The following MTPN variants were observed in gnomAD, a reference collection of about 807,000 sequenced individuals.
MTPN encodes granule cell differentiation protein.
Under a neutral mutation model 13.5 loss-of-function variants are expected in MTPN, and 2 were observed. The ratio of observed to expected loss-of-function variants is 0.15; its 90% CI spans 0.06 to 0.47. MTPN has a LOEUF of 0.47. Among genes scored for constraint, MTPN ranks in the 20% least tolerant of loss-of-function variants. MTPN has a pLI of 0.97. For synonymous variants in MTPN, 46 were observed against 51.7 expected (o/e 0.89, Z 0.48); for missense variants, 79 against 137.9 (o/e 0.57, Z 2.14).
At chr7:135,949,409 C>T (rs375038879) in intron 3 of MTPN, among the ~76,000 whole-genome samples, 3 of 152,256 alleles carry the variant, frequency 2.0e-5, no homozygotes, top group Middle Eastern at 3.4e-3. Context: ...ATGCTGGATC[C>T]ACTAGCGGCA....
intron 1 of MTPN, among the ~76,000 whole-genome samples, chr7:135,971,087 T>C (rs1253673407): frequency 6.6e-6 from 1 of 152,192 alleles, no homozygotes; most frequent in Admixed American, 6.5e-5. Flanking sequence ...AGAGTTGATA[T>C]CTTTCTCAGG....
Position 135,977,171 on chromosome 7 carries a change from C to G in MTPN, c.-71G>C, listed in dbSNP as rs1195937251. On this transcript the variant is annotated 5_prime_UTR_variant, in exon 1 of 4. Transcript: ENST00000393085. The stretch of plus-strand genomic sequence containing the variant: ...CGGTGGCAGCAGCAAGCGGATGCCG[C>G]CGGGCGAGAGGGAGGCAGGGCCGCG... 11 of 1,530,436 alleles carry G rather than the reference C, an allele frequency of 7.2e-6. No individual in the cohort carries two copies. The highest frequency in any genetic ancestry group is 9.9e-6 in the Non-Finnish European group (11 of 1,106,820). The allele number at this position is 1,530,436 out of a possible 1,614,324, so 94.8% of individuals were successfully genotyped here. A position where few individuals can be genotyped will look rare whatever the true frequency, so the allele number is the denominator to read the frequency against.
chr7:135,953,934 G>T (rs1187590061), intron 1 of MTPN, among the ~76,000 whole-genome samples: 1 of 152,082 alleles, frequency 6.6e-6, no homozygotes, highest in East Asian at 1.9e-4. Flanking sequence ...CTGTAAATCA[G>T]AAGGATATAG....
At chr7:135,966,397 C>T (rs1166668565) in intron 1 of MTPN, among the ~76,000 whole-genome samples, 3 of 152,060 alleles carry the variant, frequency 2.0e-5, no homozygotes, top group Admixed American at 1.3e-4. Context: ...CTGGGAGCTG[C>T]GACTCCCTGC....
At chr7:135,937,944 C>CA (rs1799142470) in intron 3 of MTPN, among the ~76,000 whole-genome samples, 1 of 152,140 alleles carries the variant, frequency 6.6e-6, no homozygotes, top group Admixed American at 6.5e-5. Context: ...ATAACTCATA[C>CA]AAAAAATATG....
intron 1 of MTPN, among the ~76,000 whole-genome samples, chr7:135,963,385 G>C (rs1799553566): frequency 1.3e-5 from 2 of 152,072 alleles, no homozygotes; most frequent in South Asian, 4.1e-4. Flanking sequence ...CTGTACTGGT[G>C]ACTGATATCA....
intron 2 of MTPN, 31 bp downstream of exon 2, chr7:135,951,486 T>G (rs755725473): frequency 1.3e-5 from 20 of 1,490,766 alleles, no homozygotes; most frequent in Non-Finnish European, 1.8e-5. Context: ...AACAGAAAAT[T>G]TTTTCAAGAA....
chr7:135,939,177 T>G (rs1562929729), intron 3 of MTPN, among the ~76,000 whole-genome samples: 1 of 152,184 alleles, frequency 6.6e-6, no homozygotes, highest in Non-Finnish European at 1.5e-5. Flanking sequence ...GTGTACTTCC[T>G]TTTGATATTA....
Position 135,968,314 on chromosome 7 carries a change from C to T in MTPN, c.72+8715G>A, listed in dbSNP as rs1004084258. Among the ~76,000 whole-genome samples the T allele has an allele frequency of 9.9e-5, 15 of 151,900 alleles. 1 individual carries two copies. Among genetic ancestry groups the T allele is most frequent in the African/African-American group, 3.6e-4 (15 of 41,340 alleles). On this transcript the variant is annotated intron_variant, in intron 1 of 3. Transcript: ENST00000393085. ...ATACATATTAATTATTGCCTGAGGC[C>T]TCTGAAACTTTAAGGTAAATATGGC...
chr7:135,954,629 C>T lies in MTPN; in HGVS notation c.73-2999G>A, dbSNP rs144074854. On this transcript the variant is annotated intron_variant, in intron 1 of 3. Coordinates refer to ENST00000393085, the MANE Select transcript of MTPN (RefSeq NM_145808.4). Reference sequence around the variant, plus strand: ...ATCAATAAGATCTTTGTCAAAGATACTTCTGTGAACCAAAAATGTTACATC... The same window carrying T: ...ATCAATAAGATCTTTGTCAAAGATATTTCTGTGAACCAAAAATGTTACATC... Among the ~76,000 whole-genome samples the T allele has an allele frequency of 5.9e-3, 899 of 152,294 alleles. 12 individuals carry two copies. Among genetic ancestry groups the T allele is most frequent in the African/African-American group, 0.02 (828 of 41,562 alleles).
At chr7:135,960,371 AG>A (rs1799502758) in intron 1 of MTPN, among the ~76,000 whole-genome samples, 1 of 152,058 alleles carries the variant, frequency 6.6e-6, no homozygotes, top group East Asian at 1.9e-4. Context: ...AATGTAATGA[AG>A]TTATGCCTTA....
intron 1 of MTPN, among the ~76,000 whole-genome samples, chr7:135,968,438 G>GA (rs200580031): frequency 0.013 from 1,991 of 147,762 alleles, 37 homozygotes; most frequent in African/African-American, 0.045. Flanking sequence ...TCTGTGGACT[G>GA]AAAAAAAAAA....
intron 1 of MTPN, among the ~76,000 whole-genome samples, chr7:135,960,442 T>C (rs146204756): frequency 2.3e-4 from 35 of 152,194 alleles, no homozygotes; most frequent in African/African-American, 7.9e-4. Flanking sequence ...ATTCTTCTAG[T>C]ACATAAGCAG....
rs770993454 is a variant in MTPN, at chr7:135,977,039, T to C, written c.62A>G (p.Tyr21Cys). 7.6e-6 allele frequency: 12 copies of C among 1,584,990 alleles called. No homozygotes were observed. Among genetic ancestry groups the C allele is most frequent in the Non-Finnish European group, 1.0e-5 (12 of 1,161,838 alleles). Residue 21 changes from tyrosine (Y) to cysteine (C), a missense_variant, in exon 1 of 4, where the codon TAT (tyrosine) becomes TGT (cysteine). Physicochemically the swap from Tyr to Cys is radical, Grantham distance 194. Transcript: ENST00000393085. ...KNGDLDEVKD[Y>C]VAKGEDVNRT... Reference sequence around the variant, plus strand: ...CTCATCCCCGCTTACCTTGGCCACATAGTCTTTCACCTCATCCAAGTCTCC... The same window carrying C: ...CTCATCCCCGCTTACCTTGGCCACACAGTCTTTCACCTCATCCAAGTCTCC...
At chr7:135,959,378 T>C (rs1002367524) in intron 1 of MTPN, among the ~76,000 whole-genome samples, 3 of 152,178 alleles carry the variant, frequency 2.0e-5, no homozygotes, top group African/African-American at 7.2e-5. Context: ...CCTTGGAGAT[T>C]GGCGGAAAAG....
chr7:135,969,083 TG>T (rs1470988135), intron 1 of MTPN, among the ~76,000 whole-genome samples: 126 of 22,960 alleles, frequency 5.5e-3, no homozygotes, highest in Non-Finnish European at 4.1e-3. Context: ...GGGACTGTTG[TG>T]GGGTGGGGGG....
chr7:135,962,454 T>A (rs1799539132), intron 1 of MTPN, among the ~76,000 whole-genome samples: 1 of 152,022 alleles, frequency 6.6e-6, no homozygotes, highest in Non-Finnish European at 1.5e-5. Context: ...AATATTAAAG[T>A]ATTCTATTAA....
intron 1 of MTPN, among the ~76,000 whole-genome samples, chr7:135,976,768 T>A (rs980707113): frequency 1.3e-5 from 2 of 151,818 alleles, no homozygotes; most frequent in African/African-American, 2.4e-5. Context: ...ACTCCTCCCC[T>A]CCCCCAAGAG....
At chr7:135,973,918 TGTG>T (rs762448159) in intron 1 of MTPN, among the ~76,000 whole-genome samples, 5 of 152,286 alleles carry the variant, frequency 3.3e-5, no homozygotes, top group South Asian at 2.1e-4. Context: ...ATTAACTAAA[TGTG>T]GTCCTTAAGT....
Sources: allele counts gnomAD v4.1 joint callset (sites outside exome capture counted in the v4.1 genomes callset), GRCh38; gene constraint gnomAD v4.1.1; transcripts MANE v1.5; gene names NCBI Gene and HGNC (gene_info 2026-07-23, HGNC 2026-07-21).